The following UBTD1 variants were observed in gnomAD, a reference collection of about 807,000 sequenced individuals.
The protein encoded by UBTD1 is ubiquitin domain containing 1.
Under a neutral mutation model 21.7 loss-of-function variants are expected in UBTD1, and 19 were observed. The ratio of observed to expected loss-of-function variants is 0.87; its 90% CI spans 0.61 to 1.28. UBTD1 has a LOEUF of 1.28. UBTD1 is among the 50% of genes most tolerant of loss of function. The probability of loss-of-function intolerance (pLI) is 0.00; values close to 1 mark genes in which losing one functional copy is unlikely to be tolerated. For synonymous variants in UBTD1, 116 were observed against 135.1 expected, an observed-to-expected ratio of 0.86 and a Z score of 0.98; for missense variants, 282 against 315.1, an observed-to-expected ratio of 0.89 and a Z score of 0.80.
chr10:97,525,001 T>C (rs1172014675), intron 1 of UBTD1, among the ~76,000 whole-genome samples: 2 of 152,194 alleles, frequency 1.3e-5, no homozygotes, highest in Non-Finnish European at 2.9e-5. Context: ...GAAAGTGGCT[T>C]TGGGTAGGTA....
At chr10:97,545,537 T>A (rs1229907201) in intron 1 of UBTD1, among the ~76,000 whole-genome samples, 1 of 152,116 alleles carries the variant, frequency 6.6e-6, no homozygotes, top group African/African-American at 2.4e-5. Context: ...ATAACACGTA[T>A]GTGTTAGGTG....
chr10:97,521,376 G>A (rs1028398681), intron 1 of UBTD1, among the ~76,000 whole-genome samples: 2 of 152,160 alleles, frequency 1.3e-5, no homozygotes, highest in African/African-American at 2.4e-5. Flanking sequence ...TTACTTTTCT[G>A]TTCCCCCTGA....
At chr10:97,534,050 C>T (rs2040547295) in intron 1 of UBTD1, among the ~76,000 whole-genome samples, 1 of 152,188 alleles carries the variant, frequency 6.6e-6, no homozygotes, top group East Asian at 1.9e-4. Flanking sequence ...GGAAACCTTG[C>T]AGGCAGGACC....
chr10:97,528,415 C>T (rs2135668087), intron 1 of UBTD1, among the ~76,000 whole-genome samples: 1 of 93,944 alleles, frequency 1.1e-5, no homozygotes, highest in South Asian at 4.5e-4. Context: ...CCCCCACCTC[C>T]CTCCCGGACG....
chr10:97,560,216 T>C (rs1389405583), intron 1 of UBTD1, among the ~76,000 whole-genome samples: 1 of 151,934 alleles, frequency 6.6e-6, no homozygotes, highest in Non-Finnish European at 1.5e-5. Context: ...TGCCTCACCC[T>C]TTTTTTGAAG....
In UBTD1 at chr10:97,570,680, C is replaced by A. The variant is rs1382313571; in HGVS notation, c.*157C>A. 6 of 894,976 alleles carry A rather than the reference C, an allele frequency of 6.7e-6. No homozygotes were observed. Among genetic ancestry groups the A allele is most frequent in the Admixed American group, 2.9e-5 (1 of 34,372 alleles). The allele number at this position is 894,976 out of a possible 1,614,324, so 55.4% of individuals were successfully genotyped here. On this transcript the variant is annotated 3_prime_UTR_variant, in exon 3 of 3. Transcript: ENST00000370664. The surrounding 1 kb of genome is among the most constrained non-coding windows in gnomAD (Gnocchi z 6.6). Reference sequence around the variant, plus strand: ...CCCTGCCTTTCAGGGCACTACGCGCCACCAGTTCCCGGTACCCAGGGAGCA... The same window carrying A: ...CCCTGCCTTTCAGGGCACTACGCGCAACCAGTTCCCGGTACCCAGGGAGCA...
At chr10:97,532,797 A>AG (rs2040539037) in intron 1 of UBTD1, among the ~76,000 whole-genome samples, 3 of 114,660 alleles carry the variant, frequency 2.6e-5, no homozygotes, top group South Asian at 2.8e-4. Flanking sequence ...TCTCAAAAAA[A>AG]AAAAGAAAGA....
intron 1 of UBTD1, among the ~76,000 whole-genome samples, chr10:97,541,671 G>A (rs1647293891): frequency 6.6e-6 from 1 of 150,400 alleles, no homozygotes; most frequent in Admixed American, 6.6e-5. Context: ...AGGTTCAGCT[G>A]TTCCAGGTCA....
intron 1 of UBTD1, among the ~76,000 whole-genome samples, chr10:97,501,983 A>T (rs571041075): frequency 6.6e-6 from 1 of 152,084 alleles, no homozygotes; most frequent in East Asian, 1.9e-4. Context: ...CATGTCTTTG[A>T]TGTTTACAGT....
chr10:97,534,840 C>T (rs2040552277), intron 1 of UBTD1, among the ~76,000 whole-genome samples: 1 of 152,198 alleles, frequency 6.6e-6, no homozygotes, highest in Non-Finnish European at 1.5e-5. Context: ...GCAGAGACTC[C>T]AGCCCACACC....
intron 1 of UBTD1, among the ~76,000 whole-genome samples, chr10:97,530,251 A>G (rs577435335): frequency 6.6e-6 from 1 of 152,334 alleles, no homozygotes; most frequent in South Asian, 2.1e-4. Flanking sequence ...TGAATGAATG[A>G]AGAATGATGC....
At chr10:97,523,896 AGAT>A (rs2040476642) in intron 1 of UBTD1, among the ~76,000 whole-genome samples, 1 of 151,992 alleles carries the variant, frequency 6.6e-6, no homozygotes, top group African/African-American at 2.4e-5. Flanking sequence ...GGAGCCAGTG[AGAT>A]GATGCCCCTT....
chr10:97,561,642 A>T (rs1057492726), intron 1 of UBTD1, among the ~76,000 whole-genome samples: 3 of 152,140 alleles, frequency 2.0e-5, no homozygotes, highest in African/African-American at 7.2e-5. Flanking sequence ...CTAAGTTATG[A>T]GTTGATTTTT....
At chr10:97,502,673 C>G (rs1441072501) in intron 1 of UBTD1, among the ~76,000 whole-genome samples, 1 of 152,042 alleles carries the variant, frequency 6.6e-6, no homozygotes. Flanking sequence ...ATCTTTATGG[C>G]TTGTAATGTC....
intron 1 of UBTD1, among the ~76,000 whole-genome samples, chr10:97,551,860 A>G (rs1589880972): frequency 6.6e-6 from 1 of 152,208 alleles, no homozygotes. Context: ...ATCATCGGTA[A>G]CTGCCAATGA....
Position 97,498,966 on chromosome 10 carries a change from T to G in UBTD1, c.-238T>G. Reference sequence around the variant, plus strand: ...GGAGCTGGTCTCCGGCCGGGCACCGTCGCGGGCCCCCCTGGCCCGGCCACC... The same window carrying G: ...GGAGCTGGTCTCCGGCCGGGCACCGGCGCGGGCCCCCCTGGCCCGGCCACC... On this transcript the variant is annotated 5_prime_UTR_variant, in exon 1 of 3. Transcript: ENST00000370664. 2.2e-6 allele frequency: 1 copy of G among 446,464 alleles called. No homozygotes were observed. The highest frequency in any genetic ancestry group is 3.9e-6 in the Non-Finnish European group (1 of 255,036). The allele number at this position is 446,464 out of a possible 1,614,324, so 27.7% of individuals were successfully genotyped here. A position where few individuals can be genotyped will look rare whatever the true frequency, so the allele number is the denominator to read the frequency against.
In UBTD1 at chr10:97,570,481, C is replaced by T. The variant is rs199558486; in HGVS notation, c.642C>T (p.Val214=). The T allele has an allele frequency of 3.7e-6, 6 of 1,611,008 alleles. No individual in the cohort carries two copies. The highest frequency in any genetic ancestry group is 1.3e-5 in the African/African-American group (1 of 74,892). Residue 214 remains valine (V), a synonymous_variant, in exon 3 of 3, where the codon GTC becomes GTT. Transcript: ENST00000370664. The surrounding 1 kb of genome is among the most constrained non-coding windows in gnomAD (Gnocchi z 6.6). The stretch of plus-strand genomic sequence containing the variant: ...AGACCAAGATCCAGAAAGATTTTGT[C>T]ATCCAGGTCATCATCAACCAGCCCC... ...LQETKIQKDF[V]IQVIINQPPP... is the part of the protein sequence containing the mutation.
chr10:97,499,406 C>A, intron 1 of UBTD1, 133 bp downstream of exon 1: 1 of 1,159,528 alleles, frequency 8.6e-7, no homozygotes, highest in Non-Finnish European at 1.2e-6. Context: ...GCTCCGCAGC[C>A]AGAGGGGGCC....
chr10:97,514,405 C>T (rs1309278882), intron 1 of UBTD1, among the ~76,000 whole-genome samples: 4 of 152,170 alleles, frequency 2.6e-5, no homozygotes, highest in African/African-American at 9.7e-5. Context: ...CATTTACTGC[C>T]CAGTTTCTTA....
Sources: gnomAD v4.1 joint callset for allele counts (sites outside exome capture counted in the v4.1 genomes callset) on GRCh38, gnomAD v4.1.1 for gene constraint, Gnocchi (gnomAD v3.1) non-coding constraint, MANE v1.5 for transcripts, NCBI Gene and HGNC (gene_info 2026-07-23, HGNC 2026-07-21) for gene names.